The following SH3BGR variants were observed in gnomAD, a reference collection of about 807,000 sequenced individuals.
SH3BGR encodes the protein SH3 domain binding glutamate rich protein.
A neutral mutation model predicts 24.5 loss-of-function variants in SH3BGR; 29 were observed. The ratio of observed to expected loss-of-function variants is 1.18; its 90% CI spans 0.88 to 1.61. The LOEUF (loss-of-function observed/expected upper bound fraction) is 1.61, where lower values mean the gene tolerates loss of function less well. Among genes scored for constraint, SH3BGR ranks in the 40% most tolerant of loss-of-function variants. The pLI, the probability that SH3BGR is intolerant of heterozygous loss-of-function variation, is 0.00. For synonymous variants in SH3BGR, 55 were observed against 65.7 expected (o/e 0.84, Z 0.79); for missense variants, 162 against 205.8 (o/e 0.79, Z 1.30).
intron 3 of SH3BGR, among the ~76,000 whole-genome samples, chr21:39,493,387 T>G (rs2078337211): frequency 6.6e-6 from 1 of 152,120 alleles, no homozygotes; most frequent in South Asian, 2.1e-4. Context: ...TTTCCCCACT[T>G]TATGTTTTTG....
At chr21:39,467,954 C>T (rs1043855326) in intron 2 of SH3BGR, among the ~76,000 whole-genome samples, 1 of 152,234 alleles carries the variant, frequency 6.6e-6, no homozygotes, top group Non-Finnish European at 1.5e-5. Flanking sequence ...ACAGTTGAGG[C>T]CAGGCTCCCC....
At chr21:39,490,878 A>G (rs1416100856) in intron 3 of SH3BGR, among the ~76,000 whole-genome samples, 1 of 151,862 alleles carries the variant, frequency 6.6e-6, no homozygotes, top group Non-Finnish European at 1.5e-5. Context: ...GACTACAGGC[A>G]TGCACCACCA....
intron 3 of SH3BGR, among the ~76,000 whole-genome samples, chr21:39,480,963 A>C (rs1449225647): frequency 1.3e-5 from 2 of 152,194 alleles, no homozygotes; most frequent in African/African-American, 4.8e-5. Flanking sequence ...TAGGCAGGGA[A>C]ATTGTAAGGC....
intron 4 of SH3BGR, among the ~76,000 whole-genome samples, chr21:39,507,558 C>T (rs753752728): frequency 7.8e-4 from 119 of 152,204 alleles, no homozygotes; most frequent in Non-Finnish European, 1.4e-3. Context: ...GTCTCAAACT[C>T]CTGATCTCAG....
intron 3 of SH3BGR, 21 bp downstream of exon 3, chr21:39,475,236 T>C (rs1282903880): frequency 1.0e-5 from 15 of 1,479,238 alleles, no homozygotes; most frequent in South Asian, 2.3e-5. Flanking sequence ...ACAAACTCCA[T>C]TGGGGTTCAA....
intron 4 of SH3BGR, among the ~76,000 whole-genome samples, chr21:39,508,239 CTCTT>C (rs2078617157): frequency 1.3e-5 from 2 of 152,228 alleles, no homozygotes; most frequent in Admixed American, 1.3e-4. Flanking sequence ...CCACATCTCT[CTCTT>C]TAATGAAAGC....
intron 3 of SH3BGR, among the ~76,000 whole-genome samples, chr21:39,487,209 C>G (rs950048508): frequency 2.6e-5 from 4 of 152,146 alleles, no homozygotes; most frequent in South Asian, 2.1e-4. Flanking sequence ...GTGGCCTGAT[C>G]ACGGCTCACT....
intron 3 of SH3BGR, among the ~76,000 whole-genome samples, chr21:39,479,749 ATCTACT>A (rs1452617440): frequency 1.3e-5 from 2 of 152,106 alleles, no homozygotes; most frequent in Non-Finnish European, 2.9e-5. Flanking sequence ...GGGAAACTAA[ATCTACT>A]TCTTCTTTCT....
chr21:39,509,994 T>C (rs1002598627), intron 5 of SH3BGR, among the ~76,000 whole-genome samples: 2 of 127,176 alleles, frequency 1.6e-5, no homozygotes, highest in Non-Finnish European at 3.3e-5. Context: ...CCAGGCCGGA[T>C]TGCAGTGGCG....
At chr21:39,448,383 C>T (rs2077535236), upstream of SH3BGR, among the ~76,000 whole-genome samples, 1 of 152,154 alleles carries the variant, frequency 6.6e-6, no homozygotes, top group African/African-American at 2.4e-5. Flanking sequence ...TAAATCAAAA[C>T]ATATCATCTG....
chr21:39,475,100 C>G (rs1569158803), intron 2 of SH3BGR, 35 bp from the exon 3 acceptor site: 1 of 1,289,844 alleles, frequency 7.8e-7, no homozygotes, highest in East Asian at 2.3e-5. Flanking sequence ...CACAAGTGTG[C>G]AGTAGTTTTA....
intron 3 of SH3BGR, among the ~76,000 whole-genome samples, chr21:39,489,862 A>G (rs2078270472): frequency 6.6e-6 from 1 of 152,226 alleles, no homozygotes. Context: ...ATTGAATAAT[A>G]GTGAAATCAA....
At chr21:39,495,822 G>A (rs963427716) in intron 3 of SH3BGR, among the ~76,000 whole-genome samples, 31 of 152,216 alleles carry the variant, frequency 2.0e-4, no homozygotes, top group African/African-American at 7.2e-4. Context: ...ATATTCAGAA[G>A]TGAATTAAAG....
intron 6 of SH3BGR, among the ~76,000 whole-genome samples, chr21:39,514,169 C>T (rs905637292): frequency 5.9e-5 from 9 of 152,210 alleles, no homozygotes; most frequent in Non-Finnish European, 1.0e-4. Context: ...CTTTAAAATG[C>T]GACATGATGA....
In SH3BGR at chr21:39,509,124, T is replaced by TA. The variant is rs539897025; in HGVS notation, c.435+99dup. ...AGCTTGAGGCACGTTCTTAATAACA[T>TA]AAGAGAGCGATGCAACCCACACACC... is the stretch of plus-strand genomic sequence containing the variant. On this transcript the variant is annotated intron_variant, in intron 5 of 6. Transcript: ENST00000333634. The TA allele has an allele frequency of 1.4e-3, 1,333 of 957,938 alleles. 4 individuals carry two copies. Among genetic ancestry groups the TA allele is most frequent in the Non-Finnish European group, 1.5e-3 (916 of 617,944 alleles). 59.3% of individuals were successfully genotyped at this position (957,938 alleles called of 1,614,324 possible). A position where few individuals can be genotyped will look rare whatever the true frequency, so the allele number is the denominator to read the frequency against.
intron 1 of SH3BGR, among the ~76,000 whole-genome samples, chr21:39,462,036 A>T (rs936530223): frequency 1.3e-5 from 2 of 151,964 alleles, no homozygotes. Flanking sequence ...TTTAGTAGAG[A>T]CAAGGTTTCA....
chr21:39,453,971 TATTA>T (rs1383530844), intron 1 of SH3BGR, among the ~76,000 whole-genome samples: 2 of 152,236 alleles, frequency 1.3e-5, no homozygotes, highest in African/African-American at 2.4e-5. Context: ...AGTTAATGAA[TATTA>T]ATTAGGATTT....
In SH3BGR at chr21:39,511,237, T is replaced by C. The variant is rs2078687777; in HGVS notation, c.436-443T>C. 6.7e-6 allele frequency among the ~76,000 whole-genome samples: 1 copy of C among 149,402 alleles called. No individual in the cohort carries two copies. The highest frequency in any genetic ancestry group is 2.5e-5 in the African/African-American group (1 of 40,544). ...GATGTGTGTTATGGTGTGTATGTTA[T>C]GGTGTGGAGGGTATGTATGTGTATG... On this transcript the variant is annotated intron_variant, in intron 5 of 6. Transcript: ENST00000333634. The surrounding 1 kb of genome is among the most constrained non-coding windows in gnomAD (Gnocchi z 4.2).
intron 4 of SH3BGR, among the ~76,000 whole-genome samples, chr21:39,505,638 G>A (rs2123530682): frequency 6.6e-6 from 1 of 152,230 alleles, no homozygotes; most frequent in African/African-American, 2.4e-5. Context: ...GGTAGCGGGT[G>A]CCTGTAATCC....
Sources: allele counts gnomAD v4.1 joint callset (sites outside exome capture counted in the v4.1 genomes callset), GRCh38; gene constraint gnomAD v4.1.1; non-coding constraint Gnocchi (gnomAD v3.1); transcripts MANE v1.5; gene names NCBI Gene and HGNC (gene_info 2026-07-23, HGNC 2026-07-21).